The following SMCHD1 variants were observed in gnomAD, a reference collection of about 807,000 sequenced individuals.
SMCHD1 encodes the protein structural maintenance of chromosomes flexible hinge domain containing 1.
Under a neutral mutation model 254.7 loss-of-function variants are expected in SMCHD1, and 78 were observed. That is an observed-to-expected ratio of 0.31 (90% CI 0.26 to 0.37). The LOEUF is 0.37. Among genes scored for constraint, SMCHD1 ranks in the 10% least tolerant of loss-of-function variants. The probability of loss-of-function intolerance (pLI) is 1.00; values close to 1 mark genes in which losing one functional copy is unlikely to be tolerated. For synonymous variants in SMCHD1, 766 were observed against 794.9 expected (o/e 0.96, Z 0.61); for missense variants, 1,840 against 2,408.1 (o/e 0.76, Z 4.94).
At chr18:2,783,527 C>T (rs1419049156) in intron 44 of SMCHD1, among the ~76,000 whole-genome samples, 2 of 151,864 alleles carry the variant, frequency 1.3e-5, no homozygotes, top group Non-Finnish European at 2.9e-5. Flanking sequence ...TAGATTATGA[C>T]GTACTAAATC....
chr18:2,690,096 T>C (rs548094846), intron 7 of SMCHD1, among the ~76,000 whole-genome samples: 1 of 152,204 alleles, frequency 6.6e-6, no homozygotes, highest in African/African-American at 2.4e-5. Context: ...GTAGGAAACT[T>C]TATAGAAAAG....
intron 27 of SMCHD1, among the ~76,000 whole-genome samples, 161 bp downstream of exon 27, chr18:2,739,681 A>G (rs905205533): frequency 1.7e-4 from 26 of 152,234 alleles, no homozygotes; most frequent in Non-Finnish European, 3.1e-4. Flanking sequence ...TATTTTCATT[A>G]TCTTTGCCCA....
Position 2,718,033 on chromosome 18 carries a change from T to C in SMCHD1, c.2261-125T>C. 1.5e-6 allele frequency: 1 copy of C among 657,772 alleles called. No individual in the cohort carries two copies. The highest frequency in any genetic ancestry group is 2.6e-6 in the Non-Finnish European group (1 of 387,958). 40.7% of individuals were successfully genotyped at this position (657,772 alleles called of 1,614,324 possible). ...ACTTTCATAGGATAGTGTTAGATCT[T>C]TTGAAGCTTCAAAGCAGGTTTTAAA... On this transcript the variant is annotated intron_variant, in intron 17 of 47. Coordinates refer to ENST00000320876, the MANE Select transcript of SMCHD1 (RefSeq NM_015295.3). The surrounding 1 kb of genome is among the most constrained non-coding windows in gnomAD (Gnocchi z 4.6).
chr18:2,663,936 C>T (rs552242165), intron 1 of SMCHD1, among the ~76,000 whole-genome samples: 77 of 152,110 alleles, frequency 5.1e-4, no homozygotes, highest in Middle Eastern at 3.4e-3. Context: ...AGGATGGTCT[C>T]GATCTCCTGC....
intron 2 of SMCHD1, 106 bp downstream of exon 2, chr18:2,666,338 T>C: frequency 3.5e-6 from 2 of 564,580 alleles, no homozygotes; most frequent in South Asian, 2.7e-5. Context: ...TTGATGACTT[T>C]TGTTAATTTG....
At chr18:2,799,841 C>T (rs1417974395) in intron 47 of SMCHD1, among the ~76,000 whole-genome samples, 1 of 152,076 alleles carries the variant, frequency 6.6e-6, no homozygotes, top group Non-Finnish European at 1.5e-5. Flanking sequence ...GTGCAGGCCT[C>T]CTGTAAATCT....
rs1183213861 is a variant in SMCHD1 at position 2,718,812 on chromosome 18, C to G, written c.2458+378C>G. ...TGATGATCTACCTGCCTCAGCCTCC[C>G]AAAGTGCTGGGATTACAGATGTGAG... On this transcript the variant is annotated intron_variant, in intron 19 of 47. Transcript: ENST00000320876. This position sits in a 1 kb window ranked among gnomAD's most constrained non-coding sequence, Gnocchi z 4.6. 2.0e-5 allele frequency among the ~76,000 whole-genome samples: 3 copies of G among 152,192 alleles called. No homozygotes were observed. Among genetic ancestry groups the G allele is most frequent in the African/African-American group, 7.2e-5 (3 of 41,454 alleles).
At chr18:2,685,102 C>T (rs9963585) in intron 5 of SMCHD1, among the ~76,000 whole-genome samples, 123,954 of 126,010 alleles carry the variant, frequency 0.98, 60,950 homozygotes, top group East Asian at 0.99. Context: ...TTATTTTTTT[C>T]TTTTTTTTTT....
chr18:2,656,763 C>T (rs902162019), intron 1 of SMCHD1, among the ~76,000 whole-genome samples: 2 of 152,208 alleles, frequency 1.3e-5, no homozygotes, highest in African/African-American at 4.8e-5. Flanking sequence ...CCGGGTTGCC[C>T]TGTCGAGGTT....
At chr18:2,732,972 T>C in intron 25 of SMCHD1, among the ~76,000 whole-genome samples, 1 of 152,222 alleles carries the variant, frequency 6.6e-6, no homozygotes, top group South Asian at 2.1e-4. Flanking sequence ...AGAGTTTTGT[T>C]GGTCCTCATC....
intron 23 of SMCHD1, chr18:2,728,852 C>A: frequency 3.1e-6 from 1 of 325,670 alleles, no homozygotes; most frequent in Non-Finnish European, 5.5e-6. Context: ...CCATGCCTCT[C>A]ATTTCATATA....
intron 34 of SMCHD1, among the ~76,000 whole-genome samples, chr18:2,759,252 G>A (rs1254856834): frequency 3.9e-5 from 6 of 152,014 alleles, no homozygotes; most frequent in Non-Finnish European, 8.8e-5. Context: ...GCTTCTGTCC[G>A]TTGTCTGGGC....
chr18:2,803,540 GA>G lies in SMCHD1; in HGVS notation c.*991del, dbSNP rs903704234. ...TTTGGTAAGTAAGTTTGTGTCCCAG[GA>G]AATGTATGTGTTTTTAAACCCTTTC... On this transcript the variant is annotated 3_prime_UTR_variant, in exon 48 of 48. Coordinates refer to ENST00000320876, the MANE Select transcript of SMCHD1 (RefSeq NM_015295.3). The G allele has an allele frequency of 3.9e-5, 6 of 152,014 alleles. No homozygotes were observed. The highest frequency in any genetic ancestry group is 1.4e-4 in the African/African-American group (6 of 41,402). 9.4% of individuals were successfully genotyped at this position (152,014 alleles called of 1,614,324 possible).
chr18:2,703,161 G>T (rs948526868), intron 12 of SMCHD1, among the ~76,000 whole-genome samples: 1 of 151,990 alleles, frequency 6.6e-6, no homozygotes, highest in Non-Finnish European at 1.5e-5. Context: ...ACCTTTTTTC[G>T]TTATCACCCT....
intron 47 of SMCHD1, 96 bp from the exon 48 acceptor site, chr18:2,802,432 T>C: frequency 2.4e-6 from 2 of 847,998 alleles, no homozygotes; most frequent in Non-Finnish European, 3.7e-6. Flanking sequence ...AAGAATATGG[T>C]TTCATTGGAT....
intron 17 of SMCHD1, among the ~76,000 whole-genome samples, chr18:2,714,204 T>C (rs1487260562): frequency 1.3e-5 from 2 of 152,240 alleles, no homozygotes; most frequent in African/African-American, 2.4e-5. Context: ...AGAATTGTTA[T>C]ATCTTCATGT....
At chr18:2,723,214 C>A (rs1055825386) in intron 20 of SMCHD1, among the ~76,000 whole-genome samples, 1 of 151,990 alleles carries the variant, frequency 6.6e-6, no homozygotes, top group Non-Finnish European at 1.5e-5. Flanking sequence ...TTTTAAAGAC[C>A]CTCTTGTTTT....
chr18:2,700,683 TA>T (rs1199418311), intron 11 of SMCHD1, 24 bp downstream of exon 11: 1 of 1,603,500 alleles, frequency 6.2e-7, no homozygotes, highest in Non-Finnish European at 8.5e-7. Flanking sequence ...TTGCTGAAAT[TA>T]TGTTTTTACA....
At chr18:2,658,831 T>C (rs1036868798) in intron 1 of SMCHD1, among the ~76,000 whole-genome samples, 1 of 151,250 alleles carries the variant, frequency 6.6e-6, no homozygotes, top group African/African-American at 2.4e-5. Flanking sequence ...TATATGTGTG[T>C]GTGTATATAT....
Sources: gnomAD v4.1 joint callset for allele counts (sites outside exome capture counted in the v4.1 genomes callset) on GRCh38, gnomAD v4.1.1 for gene constraint, Gnocchi (gnomAD v3.1) non-coding constraint, MANE v1.5 for transcripts, NCBI Gene and HGNC (gene_info 2026-07-23, HGNC 2026-07-21) for gene names.